Variants in STAT4 observed in about 807,000 individuals in gnomAD.
STAT4 encodes the protein signal transducer and activator of transcription 4.
STAT4 carries 42 observed loss-of-function variants against 110.5 expected under a neutral mutation model. That is an observed-to-expected ratio of 0.38 (90% confidence interval 0.30 to 0.49). The LOEUF is 0.49. STAT4 is among the 20% of genes least tolerant of loss of function. STAT4 has a pLI of 0.95. For synonymous variants in STAT4, 284 were observed against 302.2 expected (o/e 0.94, Z 0.63); for missense variants, 632 against 887.9 (o/e 0.71, Z 3.66).
rs769579854 is a variant in STAT4, at chr2:191,076,361, T to A, written c.274-36A>T. ...AAACAATGAGCAAAAATAACTAACG[T>A]AAAGCTTAAATATATGTATCATAAG... On this transcript the variant is annotated intron_variant, in intron 3 of 23. Transcript: ENST00000392320. The A allele has an allele frequency of 1.6e-5, 24 of 1,468,296 alleles. No individual in the cohort carries two copies. The South Asian group carries it at 2.8e-4, about 17-fold the overall frequency. 91.0% of individuals were successfully genotyped at this position (1,468,296 alleles called of 1,614,324 possible). A position where few individuals can be genotyped will look rare whatever the true frequency, so the allele number is the denominator to read the frequency against.
intron 3 of STAT4, chr2:191,131,763 G>C (rs1699042998): frequency 1.5e-6 from 2 of 1,293,794 alleles, no homozygotes; most frequent in African/African-American, 3.1e-5. Context: ...CTAAATTCCT[G>C]TATCTTGGTT....
Position 191,107,581 on chromosome 2 carries a change from T to A in STAT4, c.274-31256A>T, listed in dbSNP as rs1047198693. ...TCTGAGGCAGGGTTTTAACCCCAGG[T>A]ATCTGATCTGCAGACCCATGTACAG... On this transcript the variant is annotated intron_variant, in intron 3 of 23. Coordinates refer to ENST00000392320, the MANE Select transcript of STAT4 (RefSeq NM_003151.4). The surrounding 1 kb of genome is among the most constrained non-coding windows in gnomAD (Gnocchi z 4.2). Among the ~76,000 whole-genome samples, 2 of 152,228 alleles carry A rather than the reference T, an allele frequency of 1.3e-5. No individual in the cohort carries two copies. The highest frequency in any genetic ancestry group is 4.8e-5 in the African/African-American group (2 of 41,460).
intron 7 of STAT4, 22 bp from the exon 8 acceptor site, chr2:191,064,980 G>A: frequency 2.6e-6 from 4 of 1,523,386 alleles, no homozygotes; most frequent in Non-Finnish European, 3.5e-6. Flanking sequence ...GGGGACTACT[G>A]AAGAGAGTTT....
intron 3 of STAT4, among the ~76,000 whole-genome samples, chr2:191,102,009 C>CTT (rs35442023): frequency 2.3e-4 from 33 of 141,170 alleles, no homozygotes; most frequent in African/African-American, 5.2e-4. Context: ...TTTGCCCAAC[C>CTT]TTTTTTTTTT....
At chr2:191,065,481 A>G (rs1261308947) in intron 7 of STAT4, among the ~76,000 whole-genome samples, 2 of 152,202 alleles carry the variant, frequency 1.3e-5, no homozygotes, top group Non-Finnish European at 2.9e-5. Flanking sequence ...AGCTATATGA[A>G]CATGAACAAA....
chr2:191,122,243 A>G (rs1265617277), intron 3 of STAT4, among the ~76,000 whole-genome samples: 1 of 152,086 alleles, frequency 6.6e-6, no homozygotes, highest in Non-Finnish European at 1.5e-5. Context: ...CAAGCATAAA[A>G]TTCTCAACAT....
chr2:191,059,816 T>C lies in STAT4; in HGVS notation c.1035-1047A>G, dbSNP rs1696801566. On this transcript the variant is annotated intron_variant, in intron 10 of 23. Transcript: ENST00000392320. The surrounding 1 kb of genome is among the most constrained non-coding windows in gnomAD (Gnocchi z 4.7). ...GATTGGTTCAGGATCTGGAGTATGT[T>C]GAGTGTGCAGTCATTGGTGGTGAAT... Among the ~76,000 whole-genome samples, 1 of 152,184 alleles carries C rather than the reference T, an allele frequency of 6.6e-6. No individual in the cohort carries two copies. The highest frequency in any genetic ancestry group is 1.5e-5 in the Non-Finnish European group (1 of 68,020).
At chr2:191,131,753 C>T in intron 3 of STAT4, 1 of 1,285,734 alleles carries the variant, frequency 7.8e-7, no homozygotes, top group Non-Finnish European at 9.9e-7. Flanking sequence ...TAGATGGGTA[C>T]TAAATTCCTG....
Position 191,059,784 on chromosome 2 carries a change from G to C in STAT4, c.1035-1015C>G, listed in dbSNP as rs183846806. ...AAGGCTCTTTAAAAGTCCTGTACAA[G>C]GCACAAGATTGGTTCAGGATCTGGA... On this transcript the variant is annotated intron_variant, in intron 10 of 23. Coordinates refer to ENST00000392320, the MANE Select transcript of STAT4 (RefSeq NM_003151.4). This position sits in a 1 kb window ranked among gnomAD's most constrained non-coding sequence, Gnocchi z 4.7. 6.6e-6 allele frequency among the ~76,000 whole-genome samples: 1 copy of C among 152,202 alleles called. No homozygotes were observed. Among genetic ancestry groups the C allele is most frequent in the Non-Finnish European group, 1.5e-5 (1 of 68,036 alleles).
intron 2 of STAT4, 50 bp downstream of exon 2, chr2:191,148,026 G>C: frequency 6.2e-7 from 1 of 1,610,510 alleles, no homozygotes; most frequent in Non-Finnish European, 8.5e-7. Context: ...CATGGATAGA[G>C]CATCAGACAT....
In STAT4 at chr2:191,032,820, C is replaced by A; in HGVS notation, c.2044+138G>T. The A allele has an allele frequency of 1.1e-6, 1 of 880,838 alleles. No individual in the cohort carries two copies. The highest frequency in any genetic ancestry group is 1.7e-6 in the Non-Finnish European group (1 of 590,174). The allele number at this position is 880,838 out of a possible 1,614,324, so 54.6% of individuals were successfully genotyped here. On this transcript the variant is annotated intron_variant, in intron 21 of 23. Transcript: ENST00000392320. The surrounding 1 kb of genome is among the most constrained non-coding windows in gnomAD (Gnocchi z 4.9). ...CTGACATACCACTTCATTTCTAAGG[C>A]TTTGACCTCCACATGCCCTTAGATC... is the stretch of plus-strand genomic sequence containing the variant.
intron 3 of STAT4, among the ~76,000 whole-genome samples, chr2:191,137,226 C>T (rs1353078604): frequency 5.3e-5 from 8 of 151,964 alleles, no homozygotes; most frequent in African/African-American, 1.9e-4. Context: ...GCCTGTAGTC[C>T]CAGCTACTCT....
At chr2:191,048,654 C>T (rs554456928) in intron 14 of STAT4, among the ~76,000 whole-genome samples, 16 of 151,256 alleles carry the variant, frequency 1.1e-4, no homozygotes, top group South Asian at 4.2e-4. Flanking sequence ...GGCATGGTGG[C>T]GGGCGCTTGT....
intron 8 of STAT4, 76 bp downstream of exon 8, chr2:191,064,731 C>A: frequency 1.3e-6 from 2 of 1,529,792 alleles, no homozygotes; most frequent in South Asian, 1.3e-5. Flanking sequence ...TCTAAACCTG[C>A]GTTCTCTGGC....
intron 7 of STAT4, among the ~76,000 whole-genome samples, chr2:191,065,425 G>A (rs1445029272): frequency 6.6e-6 from 1 of 152,096 alleles, no homozygotes; most frequent in African/African-American, 2.4e-5. Flanking sequence ...AACTTTCAAA[G>A]GGCTAGGGGT....
At chr2:191,040,309 A>T (rs1696153823) in intron 15 of STAT4, among the ~76,000 whole-genome samples, 1 of 152,180 alleles carries the variant, frequency 6.6e-6, no homozygotes, top group African/African-American at 2.4e-5. Flanking sequence ...GTCTTTGCTC[A>T]TTATGTTAGA....
Position 191,058,149 on chromosome 2 carries a change from T to C in STAT4, c.1113-38A>G. On this transcript the variant is annotated intron_variant, in intron 12 of 23. Coordinates refer to ENST00000392320, the MANE Select transcript of STAT4 (RefSeq NM_003151.4). The surrounding 1 kb of genome is among the most constrained non-coding windows in gnomAD (Gnocchi z 4.3). ...TCTTAGCTATTTACATGGTCTCAGGTAAAATAAATTTACAAGAGCAGCAAC... is the reference window on the plus strand; with the variant it reads ...TCTTAGCTATTTACATGGTCTCAGGCAAAATAAATTTACAAGAGCAGCAAC... 6.2e-7 allele frequency: 1 copy of C among 1,613,736 alleles called. No individual in the cohort carries two copies. The highest frequency in any genetic ancestry group is 8.5e-7 in the Non-Finnish European group (1 of 1,179,684).
intron 3 of STAT4, among the ~76,000 whole-genome samples, chr2:191,105,595 A>C (rs1216373871): frequency 6.6e-6 from 1 of 152,178 alleles, no homozygotes; most frequent in Non-Finnish European, 1.5e-5. Flanking sequence ...TAAGTAGAAA[A>C]ATAAAAAGCC....
At chr2:191,120,146 A>T (rs544105729) in intron 3 of STAT4, among the ~76,000 whole-genome samples, 4 of 152,294 alleles carry the variant, frequency 2.6e-5, no homozygotes, top group African/African-American at 7.2e-5. Context: ...AAGTTTCTTT[A>T]AAAAAAGACA....
Sources: gnomAD v4.1 joint callset for allele counts (sites outside exome capture counted in the v4.1 genomes callset) on GRCh38, gnomAD v4.1.1 for gene constraint, Gnocchi (gnomAD v3.1) non-coding constraint, MANE v1.5 for transcripts, NCBI Gene and HGNC (gene_info 2026-07-23, HGNC 2026-07-21) for gene names.